DMD: variants seen among roughly 807,000 people sequenced by gnomAD.
DMD encodes the protein mutant dystrophin.
In DMD, 63 loss-of-function variants were observed where a neutral mutation model predicts 330.1. The ratio of observed to expected loss-of-function variants is 0.19; its 90% CI spans 0.16 to 0.24. The LOEUF (loss-of-function observed/expected upper bound fraction) is 0.24, where lower values mean the gene tolerates loss of function less well. DMD is among the 10% of genes least tolerant of loss of function. DMD has a pLI of 1.00. For synonymous variants in DMD, 1,223 were observed against 959.8 expected, an observed-to-expected ratio of 1.27 and a Z score of -5.07; for missense variants, 3,344 against 2,684.1, an observed-to-expected ratio of 1.25 and a Z score of -5.43.
chrX:32,547,789 C>G (rs190795825), intron 16 of DMD, among the ~76,000 whole-genome samples: 1 of 111,317 alleles, frequency 9.0e-6, no homozygotes, highest in East Asian at 2.8e-4. Flanking sequence ...CTCCCTGAAA[C>G]AGAAAGCTCC....
At chrX:32,169,066 C>T (rs1027823770) in intron 44 of DMD, among the ~76,000 whole-genome samples, 1 of 111,365 alleles carries the variant, frequency 9.0e-6, no homozygotes, top group Admixed American at 9.5e-5. Flanking sequence ...GGTAGGAATC[C>T]TGCAGGTTCA....
chrX:32,927,581 T>C (rs1302854789), intron 2 of DMD, among the ~76,000 whole-genome samples: 1 of 110,707 alleles, frequency 9.0e-6, no homozygotes, highest in Middle Eastern at 4.6e-3. Flanking sequence ...CACAGACAAA[T>C]GATGGAGAAA....
chrX:31,188,282 C>T (rs1355345565), intron 67 of DMD, among the ~76,000 whole-genome samples: 1 of 111,882 alleles, frequency 8.9e-6, no homozygotes, highest in Non-Finnish European at 1.9e-5. Context: ...AATTAAAAGC[C>T]AGGCAAGCTT....
intron 9 of DMD, among the ~76,000 whole-genome samples, chrX:32,653,139 C>T (rs2060290841): frequency 8.9e-6 from 1 of 111,846 alleles, no homozygotes; most frequent in Non-Finnish European, 1.9e-5. Context: ...GTTTCTTTTG[C>T]TTTGCAGAAG....
intron 7 of DMD, among the ~76,000 whole-genome samples, chrX:32,799,506 AT>A (rs1382605260): frequency 9.0e-6 from 1 of 110,762 alleles, no homozygotes; most frequent in East Asian, 2.8e-4. Flanking sequence ...TTTATCCCTG[AT>A]TTTTTGTTTT....
chrX:32,434,929 A>T (rs1170510761), intron 29 of DMD, among the ~76,000 whole-genome samples: 1 of 110,963 alleles, frequency 9.0e-6, no homozygotes, highest in East Asian at 2.8e-4. Context: ...CTTTATTTTC[A>T]TTGTCAAATA....
intron 44 of DMD, among the ~76,000 whole-genome samples, chrX:32,154,616 T>C (rs187752444): frequency 4.8e-4 from 53 of 111,530 alleles, no homozygotes; most frequent in African/African-American, 1.5e-3. Context: ...ATATATAAAC[T>C]GAGAAGGCTG....
intron 43 of DMD, among the ~76,000 whole-genome samples, chrX:32,252,741 T>TAA (rs1569553640): frequency 9.0e-5 from 4 of 44,249 alleles, no homozygotes; most frequent in African/African-American, 3.4e-4. Flanking sequence ...TAAATATATA[T>TAA]ATAAATATAT....
intron 2 of DMD, among the ~76,000 whole-genome samples, chrX:32,926,768 A>T (rs1188561773): frequency 9.1e-6 from 1 of 109,824 alleles, no homozygotes; most frequent in African/African-American, 3.3e-5. Flanking sequence ...AAAAAAAAAA[A>T]AGTGTTCTTC....
chrX:32,029,462 T>A (rs2095869212), intron 44 of DMD, among the ~76,000 whole-genome samples: 1 of 110,688 alleles, frequency 9.0e-6, no homozygotes, highest in Admixed American at 9.6e-5. Flanking sequence ...CACCTAAGAA[T>A]CAGAAATGAG....
chrX:31,548,086 G>A (rs12388291), intron 55 of DMD, among the ~76,000 whole-genome samples: 16,999 of 111,463 alleles, frequency 0.15, 1,158 homozygotes, highest in Admixed American at 0.23. Context: ...AAATCACACC[G>A]ACAAGTAAAT....
chrX:32,810,237 C>T (rs761648666), intron 6 of DMD, among the ~76,000 whole-genome samples: 6 of 111,838 alleles, frequency 5.4e-5, no homozygotes, highest in African/African-American at 1.6e-4. Context: ...ATAATCTACG[C>T]TAGCTTATCC....
At chrX:32,293,013 T>G (rs776480641) in intron 42 of DMD, among the ~76,000 whole-genome samples, 1 of 112,532 alleles carries the variant, frequency 8.9e-6, no homozygotes, top group Non-Finnish European at 1.9e-5. Flanking sequence ...AAAATAAAAT[T>G]TCAAGGCATT....
At chrX:31,491,935 GAAC>G (rs759228316) in intron 57 of DMD, among the ~76,000 whole-genome samples, 8 of 112,190 alleles carry the variant, frequency 7.1e-5, no homozygotes, top group South Asian at 3.7e-4. Context: ...AAGTGAAAAT[GAAC>G]AACATTTGAT....
intron 55 of DMD, among the ~76,000 whole-genome samples, chrX:31,591,861 AC>A (rs1220722382): frequency 9.0e-6 from 1 of 110,940 alleles, no homozygotes; most frequent in Non-Finnish European, 1.9e-5. Flanking sequence ...GATTTTGCAC[AC>A]CATTTATTTC....
At chrX:32,616,755 G>C (rs1027313525) in intron 11 of DMD, among the ~76,000 whole-genome samples, 1 of 89,856 alleles carries the variant, frequency 1.1e-5, no homozygotes, top group Admixed American at 1.4e-4. Context: ...CCTGTTGCTA[G>C]GTATGCTCCT....
At position 31,705,530 on chromosome X, in the gene DMD, T is replaced by G. The variant is rs559691219; in HGVS notation, c.7660+24101A>C. ...GCAAAGTACACCTAGGTCACTGTGC[T>G]TCTTCCACAATACAGGCTGCATGTC... On this transcript the variant is annotated intron_variant, in intron 52 of 78. Coordinates refer to ENST00000357033, the MANE Select transcript of DMD (RefSeq NM_004006.3). 3.9e-4 allele frequency among the ~76,000 whole-genome samples: 44 copies of G among 113,256 alleles called. No individual in the cohort carries two copies. In the South Asian group the frequency reaches 0.015, roughly 39 times the overall value.
intron 52 of DMD, among the ~76,000 whole-genome samples, chrX:31,722,686 A>C (rs1253229931): frequency 9.0e-6 from 1 of 110,895 alleles, no homozygotes; most frequent in African/African-American, 3.3e-5. Flanking sequence ...ACCAGGATGA[A>C]ACTTATGTTA....
rs751466177 is a variant in DMD, at chrX:32,717,802, G to A, written c.650-18509C>T. 1.1e-4 allele frequency among the ~76,000 whole-genome samples: 12 copies of A among 111,643 alleles called. No homozygotes were observed. The South Asian group carries it at 4.5e-3, about 42-fold the overall frequency. On this transcript the variant is annotated intron_variant, in intron 7 of 78. Coordinates refer to ENST00000357033, the MANE Select transcript of DMD (RefSeq NM_004006.3). ...AGGGATGGAGATGCCCAAGGCCTTG[G>A]GAGCCTGTCCCTTGCATCACTGTGG...
Sources: allele counts gnomAD v4.1 joint callset (sites outside exome capture counted in the v4.1 genomes callset), GRCh38; gene constraint gnomAD v4.1.1; transcripts MANE v1.5; gene names NCBI Gene and HGNC (gene_info 2026-07-23, HGNC 2026-07-21).